Variants in IKZF2 observed in about 807,000 individuals in gnomAD.
IKZF2 encodes zinc finger protein Helios.
IKZF2 carries 15 observed loss-of-function variants against 49.2 expected under a neutral mutation model. The ratio of observed to expected loss-of-function variants is 0.30; its 90% confidence interval spans 0.20 to 0.47. The LOEUF (loss-of-function observed/expected upper bound fraction) is 0.47, where lower values mean the gene tolerates loss of function less well. Ranked by LOEUF, IKZF2 falls within the 20% of genes least tolerant of loss-of-function variation. The pLI is 1.00. For synonymous variants in IKZF2, 227 were observed against 221.4 expected, an observed-to-expected ratio of 1.03 and a Z score of -0.23; for missense variants, 567 against 664.6, an observed-to-expected ratio of 0.85 and a Z score of 1.61.
At chr2:213,122,412 A>C (rs2125839285) in intron 4 of IKZF2, among the ~76,000 whole-genome samples, 1 of 152,236 alleles carries the variant, frequency 6.6e-6, no homozygotes, top group East Asian at 1.9e-4. Flanking sequence ...CCTCCCTTGA[A>C]CACTTTGTTT....
chr2:213,134,740 T>C (rs1265828645), intron 4 of IKZF2, among the ~76,000 whole-genome samples: 6 of 152,234 alleles, frequency 3.9e-5, no homozygotes, highest in Admixed American at 6.5e-5. Context: ...TCTAATCTTA[T>C]TGCCACATTC....
chr2:213,049,617 A>T, intron 6 of IKZF2, 96 bp downstream of exon 6: 1 of 858,982 alleles, frequency 1.2e-6, no homozygotes, highest in Non-Finnish European at 1.7e-6. Flanking sequence ...CTTGGTCATT[A>T]CCGACTACAT....
intron 4 of IKZF2, among the ~76,000 whole-genome samples, chr2:213,121,516 A>T (rs577904536): frequency 6.6e-6 from 1 of 152,364 alleles, no homozygotes; most frequent in South Asian, 2.1e-4. Flanking sequence ...TTAGCAGATC[A>T]TGTATGATAT....
intron 4 of IKZF2, among the ~76,000 whole-genome samples, chr2:213,104,562 G>A (rs2059459254): frequency 1.3e-5 from 2 of 152,154 alleles, no homozygotes; most frequent in African/African-American, 4.8e-5. Flanking sequence ...ATAAAGAATA[G>A]GGAAAGGAAG....
At chr2:213,045,124 C>G (rs1337830613) in intron 6 of IKZF2, among the ~76,000 whole-genome samples, 1 of 152,118 alleles carries the variant, frequency 6.6e-6, no homozygotes, top group Non-Finnish European at 1.5e-5. Context: ...AGACAGCAAA[C>G]TAAAAGAAAT....
At chr2:213,057,194 G>T (rs756272361) in intron 4 of IKZF2, 95 bp from the exon 5 acceptor site, 14 of 1,065,242 alleles carry the variant, frequency 1.3e-5, no homozygotes, top group Non-Finnish European at 1.9e-5. Flanking sequence ...CTAAATGGAT[G>T]AAAATGATAT....
At chr2:213,014,127 TTTTA>T (rs1206090911) in intron 7 of IKZF2, 193 bp from the exon 8 acceptor site, 4 of 445,752 alleles carry the variant, frequency 9.0e-6, no homozygotes, top group Admixed American at 3.5e-5. Flanking sequence ...GAGGATTTGT[TTTTA>T]TTTGAGTCTC....
intron 4 of IKZF2, among the ~76,000 whole-genome samples, chr2:213,111,876 C>T (rs539682050): frequency 4.3e-4 from 66 of 152,192 alleles, no homozygotes; most frequent in Non-Finnish European, 7.8e-4. Context: ...ATTGATCCAT[C>T]CTTGCACTGC....
chr2:213,058,602 T>C (rs560962303), intron 4 of IKZF2, among the ~76,000 whole-genome samples: 3 of 152,044 alleles, frequency 2.0e-5, no homozygotes, highest in Admixed American at 6.6e-5. Context: ...GTACCAACTA[T>C]ATTGAGTTTT....
intron 5 of IKZF2, among the ~76,000 whole-genome samples, chr2:213,056,106 G>C (rs1350739644): frequency 1.3e-5 from 2 of 151,994 alleles, no homozygotes; most frequent in African/African-American, 4.8e-5. Flanking sequence ...GGTTTAAAAA[G>C]ATTTAAATAA....
intron 6 of IKZF2, among the ~76,000 whole-genome samples, chr2:213,039,054 T>A (rs1699350497): frequency 6.6e-6 from 1 of 152,056 alleles, no homozygotes; most frequent in Non-Finnish European, 1.5e-5. Flanking sequence ...AAGACCATCT[T>A]GTCTTACCAG....
chr2:213,020,153 G>T (rs1485611583), intron 7 of IKZF2, among the ~76,000 whole-genome samples: 1 of 152,118 alleles, frequency 6.6e-6, no homozygotes, highest in Non-Finnish European at 1.5e-5. Context: ...TTTTGGGGAA[G>T]ATTTGGTATT....
At chr2:213,151,731 G>T, upstream of IKZF2, 1 of 146,616 alleles carries the variant, frequency 6.8e-6, no homozygotes, top group South Asian at 1.8e-4. Flanking sequence ...CGGCTGCGGC[G>T]GCGGCGGCGG....
rs1439952680 is a variant in IKZF2 at position 213,049,759 on chromosome 2, G to T, written c.528C>A (p.Ala176=). 5 of 1,610,370 alleles carry T rather than the reference G, an allele frequency of 3.1e-6. No homozygotes were observed. The Admixed American group carries it at 8.4e-5, about 27-fold the overall frequency. Reference sequence around the variant, plus strand: ...CTGTGAGGGCGTCCCTTCTTCTACAGGCGTAGCTACAGAAAGGACATTTGA... The same window carrying T: ...CTGTGAGGGCGTCCCTTCTTCTACATGCGTAGCTACAGAAAGGACATTTGA... ...KPFKCPFCSY[A]CRRRDALTGH... is the part of the protein sequence containing the mutation. Residue 176 remains alanine (A), a synonymous_variant, in exon 6 of 9, where the codon GCC becomes GCA. Transcript: ENST00000434687.
chr2:213,086,674 C>G (rs1158734566), intron 4 of IKZF2, among the ~76,000 whole-genome samples: 3 of 152,162 alleles, frequency 2.0e-5, no homozygotes, highest in Admixed American at 2.0e-4. Flanking sequence ...CCCCTACTCT[C>G]CAGCCTCCAA....
At chr2:213,057,193 T>C (rs925330139) in intron 4 of IKZF2, 94 bp from the exon 5 acceptor site, 5 of 1,084,498 alleles carry the variant, frequency 4.6e-6, no homozygotes, top group Admixed American at 2.6e-5. Flanking sequence ...ACTAAATGGA[T>C]GAAAATGATA....
intron 4 of IKZF2, among the ~76,000 whole-genome samples, chr2:213,066,233 A>G (rs1286979199): frequency 1.3e-5 from 2 of 152,094 alleles, no homozygotes; most frequent in African/African-American, 4.8e-5. Flanking sequence ...GTCACTAAGG[A>G]CGCTTAAACA....
chr2:213,014,052 A>G (rs1696284571), intron 7 of IKZF2, 118 bp from the exon 8 acceptor site: 7 of 846,516 alleles, frequency 8.3e-6, no homozygotes, highest in Non-Finnish European at 1.1e-5. Context: ...AGTAGAAGCA[A>G]GTAGAAAGAA....
rs764800565 is a variant in IKZF2, at chr2:213,007,635, A to G, written c.1306T>C (p.Tyr436His). 3.7e-6 allele frequency: 6 copies of G among 1,613,564 alleles called. No homozygotes were observed. The East Asian group carries it at 1.3e-4, about 36-fold the overall frequency. ...LNPKRKQSPA[Y>H]MKEDVKALDT... is the part of the protein sequence containing the mutation. ...AAAGCTTTGACATCCTCCTTCATGT[A>G]AGCTGGGCTTTGTTTCCTCTTGGGA... Residue 436 changes from tyrosine to histidine, a missense_variant, in exon 9 of 9, where the codon TAC becomes CAC. This residue lies in a region of IKZF2 where 310 missense variants were observed against 326.9 expected (regional missense o/e 0.95). Coordinates refer to ENST00000434687, the MANE Select transcript of IKZF2 (RefSeq NM_001387220.1).
Sources: allele counts gnomAD v4.1 joint callset (sites outside exome capture counted in the v4.1 genomes callset), GRCh38; gene constraint gnomAD v4.1.1; regional missense constraint gnomAD v4.1.1; transcripts MANE v1.5; gene names NCBI Gene and HGNC (gene_info 2026-07-23, HGNC 2026-07-21).